GRM1: variants seen among roughly 807,000 people sequenced by gnomAD.
GRM1 encodes metabotropic glutamate receptor 1.
Under a neutral mutation model 90.9 loss-of-function variants are expected in GRM1, and 33 were observed. The ratio of observed to expected loss-of-function variants is 0.36; its 90% confidence interval spans 0.28 to 0.49. GRM1 has a LOEUF of 0.49. Ranked by LOEUF, GRM1 falls within the 20% of genes least tolerant of loss-of-function variation. The probability of loss-of-function intolerance (pLI) is 0.99; values close to 1 mark genes in which losing one functional copy is unlikely to be tolerated. For synonymous variants in GRM1, 700 were observed against 613.2 expected (o/e 1.14, Z -2.09); for missense variants, 1,190 against 1,534.3 (o/e 0.78, Z 3.75).
chr6:146,140,764 T>C (rs1044261852), intron 1 of GRM1, among the ~76,000 whole-genome samples: 3 of 152,166 alleles, frequency 2.0e-5, no homozygotes, highest in African/African-American at 7.3e-5. Context: ...TTTTTAACTT[T>C]TTTTAACAGA....
At chr6:146,143,350 C>A (rs1433816548) in intron 1 of GRM1, among the ~76,000 whole-genome samples, 1 of 152,064 alleles carries the variant, frequency 6.6e-6, no homozygotes, top group Non-Finnish European at 1.5e-5. Context: ...AGACTGAGAG[C>A]TTAGTAATAG....
In GRM1 at chr6:146,201,780, G is replaced by C. The variant is rs573552017; in HGVS notation, c.950+42183G>C. 3.3e-5 allele frequency among the ~76,000 whole-genome samples: 5 copies of C among 152,304 alleles called. No homozygotes were observed. The South Asian group carries it at 8.3e-4, about 25-fold the overall frequency. ...CCACTTTACAAGTGAAGAGGCTAAG[G>C]CTTCAAGAAGTTACATGACTTGCCT... On this transcript the variant is annotated intron_variant, in intron 2 of 7. Transcript: ENST00000282753.
intron 1 of GRM1, among the ~76,000 whole-genome samples, chr6:146,095,727 T>A (rs757887772): frequency 3.9e-5 from 6 of 152,158 alleles, no homozygotes; most frequent in Non-Finnish European, 5.9e-5. Context: ...GGATGAATGA[T>A]GAGCTGCAAT....
At chr6:146,110,558 G>T (rs909028823) in intron 1 of GRM1, among the ~76,000 whole-genome samples, 1 of 152,134 alleles carries the variant, frequency 6.6e-6, no homozygotes. Flanking sequence ...CCCACAGATG[G>T]CATGTGGCTT....
At chr6:146,159,296 G>C in intron 1 of GRM1, 52 bp from the exon 2 acceptor site, 1 of 1,609,982 alleles carries the variant, frequency 6.2e-7, no homozygotes, top group Non-Finnish European at 8.5e-7. Flanking sequence ...CATTGTGTAA[G>C]TAGTGTTATT....
chr6:146,091,269 A>G (rs745596358), intron 1 of GRM1, among the ~76,000 whole-genome samples: 24 of 152,210 alleles, frequency 1.6e-4, no homozygotes, highest in Middle Eastern at 3.4e-3. Context: ...GCAAGGAGGC[A>G]AAGAGTACCT....
chr6:146,089,554 T>G (rs114337352), intron 1 of GRM1, among the ~76,000 whole-genome samples: 175 of 152,202 alleles, frequency 1.1e-3, no homozygotes, highest in African/African-American at 3.8e-3. Context: ...CTACCCAGAT[T>G]TTATTTATTT....
intron 2 of GRM1, among the ~76,000 whole-genome samples, chr6:146,279,343 CT>C: frequency 6.6e-6 from 1 of 152,132 alleles, no homozygotes; most frequent in Middle Eastern, 3.5e-3. Flanking sequence ...TACATACTCT[CT>C]TTTTTTACAT....
chr6:146,421,310 A>G lies in GRM1; in HGVS notation c.2661-12562A>G, dbSNP rs146670417. Among the ~76,000 whole-genome samples the G allele has an allele frequency of 1.2e-4, 19 of 152,280 alleles. No homozygotes were observed. The East Asian group carries it at 3.5e-3, about 28-fold the overall frequency. On this transcript the variant is annotated intron_variant, in intron 7 of 7. Coordinates refer to ENST00000282753, the MANE Select transcript of GRM1 (RefSeq NM_001278064.2). ...TTTTTTAAAGTGTGGTATTTGTTCA[A>G]TTTAGTTTAAGTGAATGAACTAGAG...
rs189619272 is a variant in GRM1 at position 146,270,477 on chromosome 6, A to T, written c.951-34134A>T. ...CAAGTGATTTTTTTCTCCCTAGTTA[A>T]TGTTTATAGGGAAGGCTTTCAGAAC... On this transcript the variant is annotated intron_variant, in intron 2 of 7. Transcript: ENST00000282753. Among the ~76,000 whole-genome samples the T allele has an allele frequency of 7.7e-3, 1,178 of 152,186 alleles. 16 individuals are homozygous for T. The highest frequency in any genetic ancestry group is 0.027 in the African/African-American group (1,129 of 41,504).
At chr6:146,174,954 G>A (rs1037496717) in intron 2 of GRM1, among the ~76,000 whole-genome samples, 4 of 152,182 alleles carry the variant, frequency 2.6e-5, no homozygotes, top group Non-Finnish European at 5.9e-5. Flanking sequence ...GGCCAGCCCA[G>A]GTGAGATCTG....
chr6:146,307,960 G>T (rs1219911909), intron 3 of GRM1, among the ~76,000 whole-genome samples: 1 of 152,116 alleles, frequency 6.6e-6, no homozygotes, highest in Admixed American at 6.5e-5. Flanking sequence ...GTATATCAAG[G>T]GATTGGAGGT....
chr6:146,362,546 G>C (rs2115066307), intron 5 of GRM1, among the ~76,000 whole-genome samples: 1 of 150,010 alleles, frequency 6.7e-6, no homozygotes, highest in East Asian at 2.0e-4. Flanking sequence ...AGGTGTGGTG[G>C]CAGGCGCCTG....
intron 1 of GRM1, among the ~76,000 whole-genome samples, chr6:146,123,970 A>G (rs533563545): frequency 6.6e-6 from 1 of 152,336 alleles, no homozygotes; most frequent in South Asian, 2.1e-4. Flanking sequence ...AGTTTTAGTA[A>G]TAAAACTTGA....
intron 2 of GRM1, among the ~76,000 whole-genome samples, chr6:146,181,853 T>C (rs994626578): frequency 5.3e-5 from 8 of 152,132 alleles, no homozygotes; most frequent in Admixed American, 5.2e-4. Flanking sequence ...TAATCATTTT[T>C]CAATAAGATT....
At chr6:146,141,740 AT>A (rs1471668737) in intron 1 of GRM1, among the ~76,000 whole-genome samples, 4 of 151,982 alleles carry the variant, frequency 2.6e-5, no homozygotes, top group Non-Finnish European at 5.9e-5. Flanking sequence ...CTTTTTAATT[AT>A]TTCAATCAGT....
chr6:146,098,077 A>G (rs948989274), intron 1 of GRM1, among the ~76,000 whole-genome samples: 11 of 152,190 alleles, frequency 7.2e-5, no homozygotes, highest in African/African-American at 2.4e-5. Flanking sequence ...AATATTGTCT[A>G]GAGGTCTCAG....
At chr6:146,276,824 G>A (rs886770945) in intron 2 of GRM1, among the ~76,000 whole-genome samples, 5 of 152,074 alleles carry the variant, frequency 3.3e-5, no homozygotes, top group African/African-American at 1.2e-4. Context: ...CCAGAGGCAG[G>A]GCACGGTGGT....
chr6:146,030,414 T>A (rs1790663431), intron 1 of GRM1, among the ~76,000 whole-genome samples, 197 bp downstream of exon 1: 1 of 152,192 alleles, frequency 6.6e-6, no homozygotes, highest in Non-Finnish European at 1.5e-5. Flanking sequence ...TTGTACCCCA[T>A]AGAATATCTG....
Sources: gnomAD v4.1 joint callset for allele counts (sites outside exome capture counted in the v4.1 genomes callset) on GRCh38, gnomAD v4.1.1 for gene constraint, MANE v1.5 for transcripts, NCBI Gene and HGNC (gene_info 2026-07-23, HGNC 2026-07-21) for gene names.